Variants in ADGRF4 observed in about 807,000 individuals in gnomAD.
The protein encoded by ADGRF4 is G-protein coupled receptor PGR18.
A neutral mutation model predicts 58.5 loss-of-function variants in ADGRF4; 63 were observed. That is an observed-to-expected ratio of 1.08 (90% confidence interval 0.88 to 1.33). The LOEUF is 1.33. Ranked by LOEUF, ADGRF4 falls within the 40% of genes most tolerant of loss-of-function variation. The pLI is 0.00. For missense variants in ADGRF4, 931 were observed against 843.9 expected (o/e 1.10, Z -1.28); for synonymous variants, 313 against 295.4 (o/e 1.06, Z -0.61).
intron 4 of ADGRF4, 110 bp downstream of exon 4, chr6:47,710,996 G>GA: frequency 2.0e-6 from 2 of 1,016,708 alleles, no homozygotes; most frequent in Non-Finnish European, 2.8e-6. Flanking sequence ...TCCGCACTTA[G>GA]AAAAATCTAC....
intron 1 of ADGRF4, among the ~76,000 whole-genome samples, chr6:47,706,426 T>C (rs1368612486): frequency 2.0e-5 from 3 of 152,120 alleles, no homozygotes; most frequent in African/African-American, 7.2e-5. Context: ...TAGCAGACGG[T>C]TGGGTTTATT....
intron 1 of ADGRF4, among the ~76,000 whole-genome samples, chr6:47,701,191 G>A (rs1771580908): frequency 1.3e-5 from 2 of 152,328 alleles, no homozygotes; most frequent in Middle Eastern, 3.4e-3. Flanking sequence ...ACCAGCAAAT[G>A]TTATCTTTTT....
At chr6:47,710,923 T>C (rs1380462469) in intron 4 of ADGRF4, 37 bp downstream of exon 4, 1 of 1,589,640 alleles carries the variant, frequency 6.3e-7, no homozygotes. Context: ...CAGAAGCCAA[T>C]CCCCCAGCAG....
intron 6 of ADGRF4, among the ~76,000 whole-genome samples, chr6:47,715,787 TA>T: frequency 6.6e-6 from 1 of 152,222 alleles, no homozygotes; most frequent in East Asian, 1.9e-4. Flanking sequence ...ATAATGTAAC[TA>T]AACATCAAAG....
intron 1 of ADGRF4, among the ~76,000 whole-genome samples, chr6:47,701,708 G>A (rs1023082): frequency 0.57 from 86,392 of 152,088 alleles, 25,317 homozygotes; most frequent in Middle Eastern, 0.69. Flanking sequence ...CGGGCATTAG[G>A]TAGATGCCCA....
At position 47,721,894 on chromosome 6, in the gene ADGRF4, G is replaced by C. The variant is rs1772172799; in HGVS notation, c.*689G>C. The C allele has an allele frequency of 6.6e-6, 1 of 152,098 alleles. No homozygotes were observed. The highest frequency in any genetic ancestry group is 1.5e-5 in the Non-Finnish European group (1 of 67,992). 9.4% of individuals were successfully genotyped at this position (152,098 alleles called of 1,614,324 possible). ...AAAAAAAATTCTTGTAGGTATTACT[G>C]TTTGTGTGTTTGAGTTTACTGCACA... On this transcript the variant is annotated 3_prime_UTR_variant, in exon 10 of 10. Coordinates refer to ENST00000283303, the MANE Select transcript of ADGRF4 (RefSeq NM_153838.5).
In ADGRF4 at chr6:47,706,870, C is replaced by T. The variant is rs367881554; in HGVS notation, c.-16-360C>T. The stretch of plus-strand genomic sequence containing the variant: ...CATCATAGGATTAAAGGAATTTATG[C>T]GAAGACAGTGCTTAGAAAAGTTATT... On this transcript the variant is annotated intron_variant, in intron 1 of 9. Coordinates refer to ENST00000283303, the MANE Select transcript of ADGRF4 (RefSeq NM_153838.5). Among the ~76,000 whole-genome samples, 8 of 152,226 alleles carry T rather than the reference C, an allele frequency of 5.3e-5. No homozygotes were observed. In the East Asian group the frequency reaches 9.7e-4, roughly 18 times the overall value.
At chr6:47,719,912 T>A (rs1772116582) in intron 9 of ADGRF4, among the ~76,000 whole-genome samples, 1 of 152,172 alleles carries the variant, frequency 6.6e-6, no homozygotes, top group Admixed American at 6.5e-5. Context: ...TAATTCTCTA[T>A]CAAGTTGCTG....
chr6:47,719,213 T>G (rs570679916), intron 9 of ADGRF4, among the ~76,000 whole-genome samples: 2 of 152,108 alleles, frequency 1.3e-5, no homozygotes, highest in Non-Finnish European at 2.9e-5. Flanking sequence ...CCAAAGACAC[T>G]CTGAGTTGGA....
chr6:47,708,103 C>T, intron 2 of ADGRF4, 121 bp from the exon 3 acceptor site: 1 of 689,524 alleles, frequency 1.5e-6, no homozygotes, highest in Non-Finnish European at 2.5e-6. Context: ...CATTTATCTG[C>T]TGCAGTTTTC....
rs753489113 is a variant in ADGRF4 at position 47,714,281 on chromosome 6, A to G, written c.1036A>G (p.Arg346Gly). The change falls in exon 6 of 10, where the codon AGA becomes GGA. Residue 346 changes from arginine (R) to glycine (G), a missense_variant. Coordinates refer to ENST00000283303, the MANE Select transcript of ADGRF4 (RefSeq NM_153838.5). ...FEKINKTRNA[R>G]AQCVGWHSKK... ...AAAGATCAATAAAACCCGCAATGCC[A>G]GAGCCCAGTGTGTTGGCTGGCACTC... 13 of 1,614,242 alleles carry G rather than the reference A, an allele frequency of 8.1e-6. No individual in the cohort carries two copies. In the East Asian group the frequency reaches 2.7e-4, roughly 33 times the overall value.
At position 47,714,009 on chromosome 6, in the gene ADGRF4, G is replaced by A. The variant is rs866768043; in HGVS notation, c.764G>A (p.Ser255Asn). 1 of 1,605,294 alleles carries A rather than the reference G, an allele frequency of 6.2e-7. No homozygotes were observed. Among genetic ancestry groups the A allele is most frequent in the Non-Finnish European group, 8.5e-7 (1 of 1,175,616 alleles). The change falls in exon 6 of 10, where the codon AGC (serine) becomes AAC (asparagine). Residue 255 changes from serine to asparagine, a missense_variant. Coordinates refer to ENST00000283303, the MANE Select transcript of ADGRF4 (RefSeq NM_153838.5). ...ATCAACCATAATACCTCAGAGAAAAGCCTCAATTTCTCCATGAGCATGAAC... is the reference window on the plus strand; with the variant it reads ...ATCAACCATAATACCTCAGAGAAAAACCTCAATTTCTCCATGAGCATGAAC... ...FHINHNTSEK[S>N]LNFSMSMNNT...
In ADGRF4 at chr6:47,714,545, G is replaced by T; in HGVS notation, c.1300G>T (p.Glu434Ter). 2.5e-6 allele frequency: 4 copies of T among 1,614,108 alleles called. No homozygotes were observed. The highest frequency in any genetic ancestry group is 3.4e-6 in the Non-Finnish European group (4 of 1,180,026). ...AGTGTGGTCCCGGGTGGTTGTGACGGAGATATCATACATGCGTCACGTGTG... is the reference window on the plus strand; with the variant it reads ...AGTGTGGTCCCGGGTGGTTGTGACGTAGATATCATACATGCGTCACGTGTG... ...ATVWSRVVVTEISYMRHVCIV... is the reference protein window; with the variant it reads ...ATVWSRVVVT Residue 434 changes from glutamate to a stop codon, truncating the protein, a stop_gained, in exon 6 of 10, where the codon GAG becomes TAG. Transcript: ENST00000283303. LOFTEE classifies it high-confidence loss of function.
chr6:47,701,801 A>G (rs995820221), intron 1 of ADGRF4, among the ~76,000 whole-genome samples: 1 of 152,240 alleles, frequency 6.6e-6, no homozygotes, highest in East Asian at 1.9e-4. Flanking sequence ...AGCAGCTTGA[A>G]ACTCCTCAAG....
intron 3 of ADGRF4, 131 bp downstream of exon 3, chr6:47,708,409 G>T: frequency 1.5e-6 from 1 of 659,952 alleles, no homozygotes; most frequent in Admixed American, 2.5e-5. Flanking sequence ...AGTCCTCTGT[G>T]CTTACCAGTA....
Position 47,714,875 on chromosome 6 carries a change from A to G in ADGRF4, c.1630A>G (p.Met544Val), listed in dbSNP as rs1213627301. The change falls in exon 6 of 10, where the codon ATG (methionine) becomes GTG (valine). Residue 544 changes from methionine (M) to valine (V), a missense_variant. Met to Val is a conservative substitution (Grantham distance 21). Transcript: ENST00000283303. ...VAITEPEKGY[M>V]RPEACWLNWD... is the part of the protein sequence containing the mutation. The stretch of plus-strand genomic sequence containing the variant: ...TATCACAGAGCCAGAGAAAGGCTAC[A>G]TGAGACCTGAGGCCTGTTGGCTTAA... 1.2e-6 allele frequency: 2 copies of G among 1,609,712 alleles called. No individual in the cohort carries two copies. Among genetic ancestry groups the G allele is most frequent in the South Asian group, 1.1e-5 (1 of 91,036 alleles).
At chr6:47,699,542 T>C (rs1295687355) in intron 1 of ADGRF4, among the ~76,000 whole-genome samples, 4 of 152,252 alleles carry the variant, frequency 2.6e-5, no homozygotes, top group Non-Finnish European at 5.9e-5. Flanking sequence ...TCTGAAATTA[T>C]GTGATTCTTG....
intron 1 of ADGRF4, among the ~76,000 whole-genome samples, chr6:47,702,119 G>A (rs551396761): frequency 6.6e-6 from 1 of 152,212 alleles, no homozygotes; most frequent in African/African-American, 2.4e-5. Context: ...GATTATAGGC[G>A]TGAACCACTG....
intron 2 of ADGRF4, 59 bp from the exon 3 acceptor site, chr6:47,708,165 T>C: frequency 7.8e-7 from 1 of 1,289,640 alleles, no homozygotes; most frequent in Non-Finnish European, 1.1e-6. Context: ...GCCTCTAAGC[T>C]GAGATGAGGG....
Sources: gnomAD v4.1 joint callset for allele counts (sites outside exome capture counted in the v4.1 genomes callset) on GRCh38, gnomAD v4.1.1 for gene constraint, MANE v1.5 for transcripts, NCBI Gene and HGNC (gene_info 2026-07-23, HGNC 2026-07-21) for gene names.